Variants in ADCY2 observed in about 807,000 individuals in gnomAD.
ADCY2 encodes the protein adenylate cyclase 2.
A neutral mutation model predicts 125.2 loss-of-function variants in ADCY2; 31 were observed. The ratio of observed to expected loss-of-function variants is 0.25; its 90% confidence interval spans 0.19 to 0.33. The LOEUF (loss-of-function observed/expected upper bound fraction) is 0.33, where lower values mean the gene tolerates loss of function less well. ADCY2 is among the 10% of genes least tolerant of loss of function. The pLI, the probability that ADCY2 is intolerant of heterozygous loss-of-function variation, is 1.00. For missense variants in ADCY2, 904 were observed against 1,418.2 expected, an observed-to-expected ratio of 0.64 and a Z score of 5.82; for synonymous variants, 512 against 548.4, an observed-to-expected ratio of 0.93 and a Z score of 0.93.
intron 1 of ADCY2, 100 bp from the exon 2 acceptor site, chr5:7,414,473 C>T: frequency 4.0e-6 from 4 of 1,011,404 alleles, no homozygotes; most frequent in Non-Finnish European, 4.3e-6. Flanking sequence ...CCAATATATT[C>T]TGACATTGAC....
chr5:7,658,431 GTATATA>G (rs1554029046), intron 4 of ADCY2, among the ~76,000 whole-genome samples: 29 of 142,998 alleles, frequency 2.0e-4, no homozygotes, highest in Middle Eastern at 3.6e-3. Flanking sequence ...GTGTGTGTGT[GTATATA>G]TATATATATT....
intron 2 of ADCY2, among the ~76,000 whole-genome samples, chr5:7,433,968 T>C (rs1740703995): frequency 6.6e-6 from 1 of 152,174 alleles, no homozygotes; most frequent in Admixed American, 6.5e-5. Flanking sequence ...TAGTTAATAA[T>C]ACAAATTCTA....
intron 2 of ADCY2, among the ~76,000 whole-genome samples, chr5:7,467,732 C>G (rs367653942): frequency 6.6e-6 from 1 of 152,190 alleles, no homozygotes; most frequent in African/African-American, 2.4e-5. Flanking sequence ...ATTCCTCTCT[C>G]TCTACAGTCT....
chr5:7,738,875 C>A (rs1742327691), intron 14 of ADCY2, among the ~76,000 whole-genome samples: 1 of 151,706 alleles, frequency 6.6e-6, no homozygotes, highest in African/African-American at 2.4e-5. Flanking sequence ...CTATAAAAGA[C>A]AGATATGAAA....
chr5:7,614,961 C>T (rs184575408), intron 3 of ADCY2, among the ~76,000 whole-genome samples: 6 of 152,294 alleles, frequency 3.9e-5, no homozygotes, highest in Admixed American at 2.6e-4. Flanking sequence ...TTAATTGACT[C>T]GCCATTCTGC....
At chr5:7,554,498 G>T (rs979805811) in intron 3 of ADCY2, among the ~76,000 whole-genome samples, 1 of 152,062 alleles carries the variant, frequency 6.6e-6, no homozygotes, top group Non-Finnish European at 1.5e-5. Flanking sequence ...GAGTCTAGGT[G>T]GGGTTTGGTT....
chr5:7,657,625 G>A (rs546622308), intron 4 of ADCY2, among the ~76,000 whole-genome samples: 1 of 152,270 alleles, frequency 6.6e-6, no homozygotes, highest in East Asian at 1.9e-4. Context: ...CATAAACAAA[G>A]TACTTAATAG....
chr5:7,410,771 T>C (rs1008373551), intron 1 of ADCY2, among the ~76,000 whole-genome samples: 1 of 152,156 alleles, frequency 6.6e-6, no homozygotes, highest in Non-Finnish European at 1.5e-5. Flanking sequence ...TGAGGATACA[T>C]AGGAATATTT....
chr5:7,437,389 C>T (rs922638898), intron 2 of ADCY2, among the ~76,000 whole-genome samples: 4 of 152,164 alleles, frequency 2.6e-5, no homozygotes, highest in East Asian at 1.9e-4. Flanking sequence ...CACGTGTTAA[C>T]CCACACTGCT....
intron 18 of ADCY2, among the ~76,000 whole-genome samples, chr5:7,780,713 T>C (rs1028527551): frequency 6.6e-6 from 1 of 151,990 alleles, no homozygotes; most frequent in Non-Finnish European, 1.5e-5. Flanking sequence ...AAATGTAAAG[T>C]TTTTGAAGGT....
chr5:7,789,795 A>G lies in ADCY2; in HGVS notation c.2623A>G (p.Asn875Asp). The G allele has an allele frequency of 6.3e-7, 1 of 1,577,578 alleles. No individual in the cohort carries two copies. The highest frequency in any genetic ancestry group is 8.6e-7 in the Non-Finnish European group (1 of 1,161,492). ...GCACTTCCTGGCCAGGAGCCTGAAG[A>G]ATGAGGTCAGACCAGGGGGGCTGGG... ...AEHFLARSLK[N>D]EELYHQSYDC... The change falls in exon 20 of 25, where the codon AAT becomes GAT. Residue 875 changes from asparagine (N) to aspartate (D), a missense_variant. Transcript: ENST00000338316.
chr5:7,780,019 T>C (rs1195977679), intron 18 of ADCY2, among the ~76,000 whole-genome samples: 1 of 152,128 alleles, frequency 6.6e-6, no homozygotes, highest in Non-Finnish European at 1.5e-5. Flanking sequence ...CCTCAGTGGC[T>C]CAAGTTTGGG....
rs1422644160 is a variant in ADCY2, at chr5:7,829,073, T to C, written c.*2202T>C. 6.6e-6 allele frequency: 1 copy of C among 152,370 alleles called. No homozygotes were observed. Among genetic ancestry groups the C allele is most frequent in the East Asian group, 1.9e-4 (1 of 5,324 alleles). 9.4% of individuals were successfully genotyped at this position (152,370 alleles called of 1,614,324 possible). A position where few individuals can be genotyped will look rare whatever the true frequency, so the allele number is the denominator to read the frequency against. On this transcript the variant is annotated 3_prime_UTR_variant, in exon 25 of 25. Transcript: ENST00000338316. ...GCATTGAGTCATTGTCAGAATCCAC[T>C]ATGGGAAGCTCTGTGTGTACCTGGT...
intron 2 of ADCY2, among the ~76,000 whole-genome samples, chr5:7,441,280 G>A (rs1278368299): frequency 6.6e-6 from 1 of 152,154 alleles, no homozygotes; most frequent in Non-Finnish European, 1.5e-5. Flanking sequence ...TGCAGCAGCA[G>A]CCATTGTCAC....
At chr5:7,507,313 C>T (rs1226169658) in intron 2 of ADCY2, among the ~76,000 whole-genome samples, 2 of 138,884 alleles carry the variant, frequency 1.4e-5, no homozygotes, top group Non-Finnish European at 3.2e-5. Flanking sequence ...TAGTGGCGGG[C>T]GCCTGTAGTC....
intron 6 of ADCY2, 118 bp from the exon 7 acceptor site, chr5:7,698,129 C>T: frequency 7.9e-7 from 1 of 1,259,568 alleles, no homozygotes; most frequent in Non-Finnish European, 1.1e-6. Context: ...GTTCTCATTG[C>T]TCTCTCCAGA....
At chr5:7,445,176 G>A (rs1025291) in intron 2 of ADCY2, among the ~76,000 whole-genome samples, 52,777 of 152,070 alleles carry the variant, frequency 0.35, 9,551 homozygotes, top group South Asian at 0.5. Context: ...TCCCACTGCT[G>A]GGTTATAAAG....
At chr5:7,644,522 C>T (rs1738829119) in intron 4 of ADCY2, among the ~76,000 whole-genome samples, 2 of 152,042 alleles carry the variant, frequency 1.3e-5, no homozygotes, top group African/African-American at 2.4e-5. Context: ...TTTTAGTCAC[C>T]CTGTCTGGAT....
intron 1 of ADCY2, among the ~76,000 whole-genome samples, chr5:7,410,471 G>T (rs1402864287): frequency 6.6e-6 from 1 of 152,154 alleles, no homozygotes; most frequent in African/African-American, 2.4e-5. Flanking sequence ...CTGGCAATTA[G>T]AAGCCATCTG....
Sources: allele counts gnomAD v4.1 joint callset (sites outside exome capture counted in the v4.1 genomes callset), GRCh38; gene constraint gnomAD v4.1.1; transcripts MANE v1.5; gene names NCBI Gene and HGNC (gene_info 2026-07-23, HGNC 2026-07-21).